PDGFRB: variants seen among roughly 807,000 people sequenced by gnomAD.
PDGFRB encodes the protein platelet-derived growth factor receptor beta.
In PDGFRB, 42 loss-of-function variants were observed where a neutral mutation model predicts 120.2. The observed-to-expected ratio is 0.35, with a 90% CI of 0.27 to 0.45. The LOEUF (loss-of-function observed/expected upper bound fraction) is 0.45, where lower values mean the gene tolerates loss of function less well. Ranked by LOEUF, PDGFRB falls within the 20% of genes least tolerant of loss-of-function variation. The pLI is 1.00. For synonymous variants in PDGFRB, 586 were observed against 606.8 expected (o/e 0.97, Z 0.50); for missense variants, 1,149 against 1,476.3 (o/e 0.78, Z 3.63).
rs536180643 is a variant in PDGFRB, at chr5:150,131,222, C to T, written c.1244-560G>A. On this transcript the variant is annotated intron_variant, in intron 8 of 22. Transcript: ENST00000261799. ...TGCACCAGGCCCACAAAGACCTATG[C>T]GATTTGCCCTTCTCCCAGCCCCCAC... Among the ~76,000 whole-genome samples, 5 of 152,250 alleles carry T rather than the reference C, an allele frequency of 3.3e-5. No homozygotes were observed. In the South Asian group the frequency reaches 6.2e-4, roughly 19 times the overall value.
At chr5:150,152,987 C>T (rs1294797486) in intron 1 of PDGFRB, among the ~76,000 whole-genome samples, 4 of 152,326 alleles carry the variant, frequency 2.6e-5, no homozygotes, top group African/African-American at 9.6e-5. Flanking sequence ...GAAACTGACT[C>T]GGGGTCAATG....
intron 15 of PDGFRB, 74 bp from the exon 16 acceptor site, chr5:150,122,114 T>C (rs993509648): frequency 1.7e-6 from 2 of 1,160,838 alleles, no homozygotes; most frequent in Non-Finnish European, 2.5e-6. Context: ...TTGCCACTCA[T>C]GAATTTCTTC....
At chr5:150,119,428 CA>C (rs1471035410) in intron 20 of PDGFRB, 38 bp downstream of exon 20, 1 of 1,127,156 alleles carries the variant, frequency 8.9e-7, no homozygotes, top group Admixed American at 1.7e-5. Flanking sequence ...CTATTGTTTG[CA>C]GCACAAAATC....
intron 22 of PDGFRB, 68 bp downstream of exon 22, chr5:150,117,549 CA>C: frequency 1.8e-6 from 1 of 553,108 alleles, no homozygotes; most frequent in Non-Finnish European, 2.8e-6. Flanking sequence ...CGCGCGCACA[CA>C]CACACACACA....
chr5:150,118,716 C>T (rs764048707), intron 21 of PDGFRB, 31 bp downstream of exon 21: 34 of 1,343,712 alleles, frequency 2.5e-5, no homozygotes, highest in South Asian at 3.5e-5. Flanking sequence ...CAGAGCTCTC[C>T]GTGCTCCACC....
In PDGFRB at chr5:150,115,366, A is replaced by T; in HGVS notation, c.*397T>A. The T allele has an allele frequency of 4.2e-6, 1 of 237,668 alleles. No homozygotes were observed. 14.7% of individuals were successfully genotyped at this position (237,668 alleles called of 1,614,324 possible). On this transcript the variant is annotated 3_prime_UTR_variant, in exon 23 of 23. Transcript: ENST00000261799. Reference sequence around the variant, plus strand: ...CCTTGAGGGGTAGCTGGCTGAACAGAAAAAAGTTAATTTACCACCTCAGTA... The same window carrying T: ...CCTTGAGGGGTAGCTGGCTGAACAGTAAAAAGTTAATTTACCACCTCAGTA...
intron 1 of PDGFRB, among the ~76,000 whole-genome samples, chr5:150,137,613 G>C (rs1442039140): frequency 1.3e-5 from 2 of 152,222 alleles, no homozygotes; most frequent in Non-Finnish European, 2.9e-5. Flanking sequence ...TGGAATGTGG[G>C]AGGTGGGCCT....
At chr5:150,142,584 A>T (rs1251954121) in intron 1 of PDGFRB, among the ~76,000 whole-genome samples, 1 of 149,918 alleles carries the variant, frequency 6.7e-6, no homozygotes, top group Non-Finnish European at 1.5e-5. Context: ...AAGTAAGAAG[A>T]CCTGGCTCTA....
intron 1 of PDGFRB, among the ~76,000 whole-genome samples, chr5:150,151,672 C>T (rs1022089086): frequency 3.3e-5 from 5 of 151,970 alleles, no homozygotes; most frequent in African/African-American, 1.2e-4. Context: ...CCAGCCTGGC[C>T]AACACGGTGA....
At position 150,130,650 on chromosome 5, in the gene PDGFRB, A is replaced by G; in HGVS notation, c.1256T>C (p.Val419Ala). The G allele has an allele frequency of 1.2e-6, 2 of 1,613,212 alleles. No individual in the cohort carries two copies. The highest frequency in any genetic ancestry group is 1.7e-6 in the Non-Finnish European group (2 of 1,179,860). The change falls in exon 9 of 23, where the codon GTG becomes GCG. Residue 419 changes from valine (V) to alanine (A), a missense_variant. This residue lies in a region of PDGFRB where 879 missense variants were observed against 1,108.6 expected (regional missense o/e 0.79). Coordinates refer to ENST00000261799, the MANE Select transcript of PDGFRB (RefSeq NM_002609.4). ...FQLQINVPVR[V>A]LELSESHPDS... ...AGGGTGGCTCTCACTTAGCTCCAGC[A>G]CTCGGACAGGGACTGCATGGAGAGA... is the stretch of plus-strand genomic sequence containing the variant.
rs757563951 is a variant in PDGFRB at position 150,133,758 on chromosome 5, A to G, written c.762T>C (p.Ser254=). 6.2e-7 allele frequency: 1 copy of G among 1,613,720 alleles called. No homozygotes were observed. Among genetic ancestry groups the G allele is most frequent in the South Asian group, 1.1e-5 (1 of 91,066 alleles). Residue 254 remains serine, a splice_region_variant and synonymous_variant, in exon 6 of 23, where the codon AGT becomes AGC. Transcript: ENST00000261799. ...NFEWTYPRKE[S]GRLVEPVTDF... ...CAGTCACCGGCTCCACCAGCCGCCC[A>G]CTCTGCAGCAACAGGTTGGGCAGGC... is the stretch of plus-strand genomic sequence containing the variant.
At position 150,129,425 on chromosome 5, in the gene PDGFRB, TAC is replaced by T. The variant is rs1052680375; in HGVS notation, c.1579+330_1579+331del. ...ATTGGGCATTCTTCAGTAGACGATTTACATATCTACACACAGAGGATTTGCAC... is the reference window on the plus strand; with the variant it reads ...ATTGGGCATTCTTCAGTAGACGATTTATATCTACACACAGAGGATTTGCAC... On this transcript the variant is annotated intron_variant, in intron 10 of 22. Coordinates refer to ENST00000261799, the MANE Select transcript of PDGFRB (RefSeq NM_002609.4). Among the ~76,000 whole-genome samples the T allele has an allele frequency of 1.1e-4, 16 of 151,846 alleles. 1 individual carries two copies. The highest frequency in any genetic ancestry group is 2.4e-4 in the Non-Finnish European group (16 of 67,926).
At chr5:150,129,294 A>G (rs1431390114) in intron 10 of PDGFRB, among the ~76,000 whole-genome samples, 1 of 152,240 alleles carries the variant, frequency 6.6e-6, no homozygotes, top group African/African-American at 2.4e-5. Flanking sequence ...AGGCATGCTC[A>G]TGTACATGGC....
intron 1 of PDGFRB, among the ~76,000 whole-genome samples, chr5:150,141,929 G>A (rs945722093): frequency 6.6e-6 from 1 of 152,034 alleles, no homozygotes; most frequent in African/African-American, 2.4e-5. Context: ...AACAGGCCGG[G>A]TAGAAACAGC....
At chr5:150,123,633 A>G (rs1051119176) in intron 14 of PDGFRB, among the ~76,000 whole-genome samples, 1 of 152,214 alleles carries the variant, frequency 6.6e-6, no homozygotes, top group African/African-American at 2.4e-5. Context: ...CTTAAAGTCA[A>G]TCAGTGAGAA....
At chr5:150,144,577 G>A (rs906346493) in intron 1 of PDGFRB, among the ~76,000 whole-genome samples, 1 of 152,232 alleles carries the variant, frequency 6.6e-6, no homozygotes, top group Non-Finnish European at 1.5e-5. Flanking sequence ...CCCGAGCCCC[G>A]CTCTCCTGCA....
At position 150,129,818 on chromosome 5, in the gene PDGFRB, C is replaced by T. The variant is rs1254975941; in HGVS notation, c.1518G>A (p.Val506=). Residue 506 remains valine, a synonymous_variant, in exon 10 of 23, where the codon GTG becomes GTA. Transcript: ENST00000261799. The stretch of plus-strand genomic sequence containing the variant: ...CCACAGCGTTGCGCAGCGTGCAGCG[C>T]ACCGACAGTGGCCGATCCACGTGCT... ...RLQHVDRPLS[V]RCTLRNAVGQ... is the part of the protein sequence containing the mutation. 3 of 1,614,086 alleles carry T rather than the reference C, an allele frequency of 1.9e-6. No individual in the cohort carries two copies. The highest frequency in any genetic ancestry group is 2.5e-6 in the Non-Finnish European group (3 of 1,180,042).
At chr5:150,130,368 G>A (rs1244370904) in intron 9 of PDGFRB, among the ~76,000 whole-genome samples, 171 bp downstream of exon 9, 3 of 152,162 alleles carry the variant, frequency 2.0e-5, no homozygotes, top group Non-Finnish European at 2.9e-5. Context: ...AAGGAAAAGG[G>A]ACCATTTAGG....
Position 150,121,739 on chromosome 5 carries a change from T to C in PDGFRB, c.2344+141A>G. 1.5e-6 allele frequency: 1 copy of C among 683,794 alleles called. No homozygotes were observed. Among genetic ancestry groups the C allele is most frequent in the South Asian group, 1.7e-5 (1 of 57,258 alleles). The allele number at this position is 683,794 out of a possible 1,614,324, so 42.4% of individuals were successfully genotyped here. ...TTAGGGGTCCACTACAGATCAGTTT[T>C]GGCCAGGTGGCTAGCCTCAATTTCT... is the stretch of plus-strand genomic sequence containing the variant. On this transcript the variant is annotated intron_variant, in intron 16 of 22. Coordinates refer to ENST00000261799, the MANE Select transcript of PDGFRB (RefSeq NM_002609.4). This position sits in a 1 kb window ranked among gnomAD's most constrained non-coding sequence, Gnocchi z 4.1.
Sources: allele counts gnomAD v4.1 joint callset (sites outside exome capture counted in the v4.1 genomes callset), GRCh38; gene constraint gnomAD v4.1.1; regional missense constraint gnomAD v4.1.1; non-coding constraint Gnocchi (gnomAD v3.1); transcripts MANE v1.5; gene names NCBI Gene and HGNC (gene_info 2026-07-23, HGNC 2026-07-21).